The following GREB1 variants were observed in gnomAD, a reference collection of about 807,000 sequenced individuals.
The protein encoded by GREB1 is protein GREB1.
In GREB1, 106 loss-of-function variants were observed where a neutral mutation model predicts 200.7. The observed-to-expected ratio is 0.53, with a 90% CI of 0.45 to 0.62. The LOEUF is 0.62. Ranked by LOEUF, GREB1 falls within the 20% of genes least tolerant of loss-of-function variation. GREB1 has a pLI of 0.00. For missense variants in GREB1, 2,243 were observed against 2,556.8 expected (o/e 0.88, Z 2.65); for synonymous variants, 1,132 against 1,092.4 (o/e 1.04, Z -0.72).
At chr2:11,562,690 C>A in intron 3 of GREB1, 108 bp downstream of exon 3, 1 of 1,300,720 alleles carries the variant, frequency 7.7e-7, no homozygotes, top group Non-Finnish European at 1.0e-6. Context: ...GTCCTCTTTG[C>A]TCTTCCTCTT....
chr2:11,526,405 T>C (rs79586677), intron 1 of GREB1, among the ~76,000 whole-genome samples: 1,809 of 152,310 alleles, frequency 0.012, 48 homozygotes, highest in African/African-American at 0.041. Context: ...TTACTTAATA[T>C]CTATAAGCCT....
rs550625981 is a variant in GREB1 at position 11,594,680 on chromosome 2, C to G, written c.1697-571C>G. ...AGCGTTCTTTAATCTTAAACCCATT[C>G]TGTGTTTTTTGTTGTTGTTTGTTTG... On this transcript the variant is annotated intron_variant, in intron 11 of 32. Transcript: ENST00000381486. Among the ~76,000 whole-genome samples, 219 of 106,126 alleles carry G rather than the reference C, an allele frequency of 2.1e-3. 3 individuals are homozygous for G. Among genetic ancestry groups the G allele is most frequent in the African/African-American group, 0.012 (213 of 17,844 alleles). The allele number at this position is 106,126 out of a possible 152,430, so 69.6% of individuals were successfully genotyped here. A position where few individuals can be genotyped will look rare whatever the true frequency, so the allele number is the denominator to read the frequency against.
At chr2:11,532,370 C>G (rs1674105820), upstream of GREB1, among the ~76,000 whole-genome samples, 1 of 152,102 alleles carries the variant, frequency 6.6e-6, no homozygotes, top group Admixed American at 6.6e-5. Context: ...TAAAGAAAAT[C>G]AAGTGTGAAT....
At chr2:11,564,391 A>G (rs1318812431) in intron 3 of GREB1, among the ~76,000 whole-genome samples, 1 of 152,028 alleles carries the variant, frequency 6.6e-6, no homozygotes, top group Non-Finnish European at 1.5e-5. Flanking sequence ...TAAGAGGTGA[A>G]CTCTTCAGCC....
chr2:11,601,405 T>G (rs1228825331), intron 16 of GREB1, among the ~76,000 whole-genome samples: 3 of 152,210 alleles, frequency 2.0e-5, no homozygotes, highest in African/African-American at 7.2e-5. Context: ...CCCTGCATCC[T>G]TAAGTAGTGA....
In GREB1 at chr2:11,641,953, C is replaced by G. The variant is rs533139804; in HGVS notation, c.*1499C>G. The G allele has an allele frequency of 6.6e-6, 1 of 152,334 alleles. No individual in the cohort carries two copies. Among genetic ancestry groups the G allele is most frequent in the East Asian group, 1.9e-4 (1 of 5,184 alleles). 9.4% of individuals were successfully genotyped at this position (152,334 alleles called of 1,614,324 possible). A position where few individuals can be genotyped will look rare whatever the true frequency, so the allele number is the denominator to read the frequency against. The stretch of plus-strand genomic sequence containing the variant: ...AAGAGTCTACCTTTCCAAGTTCTCA[C>G]TGCTGGAAAGAGCTAGAAGCACAGT... On this transcript the variant is annotated 3_prime_UTR_variant, in exon 33 of 33. Transcript: ENST00000381486.
intron 24 of GREB1, 54 bp from the exon 25 acceptor site, chr2:11,626,908 G>C (rs1684505855): frequency 1.3e-6 from 2 of 1,590,374 alleles, no homozygotes; most frequent in South Asian, 1.1e-5. Flanking sequence ...GCAGGCAGGG[G>C]ATAATGTTTG....
At chr2:11,516,535 G>C (rs886410329) in intron 1 of GREB1, among the ~76,000 whole-genome samples, 1 of 152,134 alleles carries the variant, frequency 6.6e-6, no homozygotes, top group South Asian at 2.1e-4. Context: ...ATTTGGCCTC[G>C]GGAGCTAATA....
chr2:11,607,595 T>TATAGATACATATAGATAC (rs1553373779), intron 17 of GREB1, among the ~76,000 whole-genome samples: 33 of 136,480 alleles, frequency 2.4e-4, no homozygotes, highest in South Asian at 4.4e-4. Context: ...CATATATACA[T>TATAGATACATATAGATAC]ATATATACAT....
At chr2:11,496,523 C>T (rs760539153) in intron 1 of GREB1, among the ~76,000 whole-genome samples, 4 of 150,964 alleles carry the variant, frequency 2.6e-5, no homozygotes, top group Admixed American at 6.6e-5. Flanking sequence ...CCGCCCGCCC[C>T]CCCGTCACAT....
chr2:11,547,665 T>C (rs1675412886), intron 1 of GREB1, among the ~76,000 whole-genome samples: 1 of 152,330 alleles, frequency 6.6e-6, no homozygotes, highest in Admixed American at 6.5e-5. Context: ...GAAAAACCTA[T>C]TTCTATCCCA....
intron 1 of GREB1, among the ~76,000 whole-genome samples, chr2:11,551,461 A>G (rs1178451144): frequency 1.3e-5 from 2 of 152,108 alleles, no homozygotes; most frequent in Admixed American, 1.3e-4. Context: ...TATCTTTACT[A>G]TCATCGGTCT....
chr2:11,635,179 C>T lies in GREB1; in HGVS notation c.5211-91C>T, dbSNP rs947045888. On this transcript the variant is annotated intron_variant, in intron 29 of 32. Coordinates refer to ENST00000381486, the MANE Select transcript of GREB1 (RefSeq NM_014668.4). ...CCCACTCCACCTTCATAGCCCCCTA[C>T]GATGGGGACCCACACTCTAGGTGCT... 6.0e-6 allele frequency: 9 copies of T among 1,498,086 alleles called. No homozygotes were observed. The East Asian group carries it at 9.1e-5, about 15-fold the overall frequency. The allele number at this position is 1,498,086 out of a possible 1,614,324, so 92.8% of individuals were successfully genotyped here. A position where few individuals can be genotyped will look rare whatever the true frequency, so the allele number is the denominator to read the frequency against.
rs1344798242 is a variant in GREB1 at position 11,508,873 on chromosome 2, C to CTT, written c.-159+26509_-159+26510dup. Among the ~76,000 whole-genome samples, 1,033 of 139,508 alleles carry CTT rather than the reference C, an allele frequency of 7.4e-3. 43 individuals are homozygous for CTT. Among genetic ancestry groups the CTT allele is most frequent in the African/African-American group, 0.025 (926 of 36,354 alleles). 91.5% of individuals were successfully genotyped at this position (139,508 alleles called of 152,430 possible). ...GGTGAATCCAAATTTTTCTTTCTCT[C>CTT]TTTTTTTTTTTTTTTTTTCGGGACA... On this transcript the variant is annotated intron_variant, in intron 1 of 2. Transcript: ENST00000628795.
chr2:11,509,598 T>C (rs981657317), intron 1 of GREB1, among the ~76,000 whole-genome samples: 1 of 152,192 alleles, frequency 6.6e-6, no homozygotes, highest in Non-Finnish European at 1.5e-5. Flanking sequence ...TCCTAAAATT[T>C]ATATGTTGGA....
chr2:11,546,324 A>G (rs1474852175), intron 1 of GREB1, among the ~76,000 whole-genome samples: 1 of 152,238 alleles, frequency 6.6e-6, no homozygotes, highest in African/African-American at 2.4e-5. Context: ...CATAGTATAC[A>G]GGAAAGAAAT....
At chr2:11,625,734 A>G (rs1405699942) in intron 24 of GREB1, among the ~76,000 whole-genome samples, 1 of 152,168 alleles carries the variant, frequency 6.6e-6, no homozygotes, top group Non-Finnish European at 1.5e-5. Context: ...TACCGGGGCC[A>G]TTGCGATTAT....
intron 17 of GREB1, among the ~76,000 whole-genome samples, chr2:11,609,542 A>AG (rs1228466027): frequency 6.6e-6 from 1 of 152,152 alleles, no homozygotes; most frequent in Non-Finnish European, 1.5e-5. Flanking sequence ...CAGGTGCACC[A>AG]GGGGTAGGTA....
intron 4 of GREB1, among the ~76,000 whole-genome samples, chr2:11,571,276 T>G (rs1195410192): frequency 1.3e-5 from 2 of 152,210 alleles, no homozygotes; most frequent in Non-Finnish European, 2.9e-5. Context: ...TCATGAGCTT[T>G]CAAGGCTCAT....
Sources: gnomAD v4.1 joint callset for allele counts (sites outside exome capture counted in the v4.1 genomes callset) on GRCh38, gnomAD v4.1.1 for gene constraint, MANE v1.5 for transcripts, NCBI Gene and HGNC (gene_info 2026-07-23, HGNC 2026-07-21) for gene names.